The following TRAK1 variants were observed in gnomAD, a reference collection of about 807,000 sequenced individuals.
The protein encoded by TRAK1 is trafficking kinesin protein 1.
Under a neutral mutation model 92.1 loss-of-function variants are expected in TRAK1, and 33 were observed. That is an observed-to-expected ratio of 0.36 (90% CI 0.27 to 0.48). The LOEUF (loss-of-function observed/expected upper bound fraction) is 0.48, where lower values mean the gene tolerates loss of function less well. Ranked by LOEUF, TRAK1 falls within the 20% of genes least tolerant of loss-of-function variation. The pLI is 0.99. For synonymous variants in TRAK1, 521 were observed against 517.3 expected, an observed-to-expected ratio of 1.01 and a Z score of -0.10; for missense variants, 1,123 against 1,257.9, an observed-to-expected ratio of 0.89 and a Z score of 1.62.
At chr3:42,176,066 G>A (rs998515166) in intron 2 of TRAK1, among the ~76,000 whole-genome samples, 12 of 152,090 alleles carry the variant, frequency 7.9e-5, no homozygotes, top group African/African-American at 2.9e-4. Flanking sequence ...AGACAAAAGC[G>A]TTCTTTTGTT....
At chr3:42,157,457 C>CAAAAAAAA (rs60622565) in intron 2 of TRAK1, among the ~76,000 whole-genome samples, 2,342 of 31,082 alleles carry the variant, frequency 0.075, 745 homozygotes, top group East Asian at 0.23. Flanking sequence ...GACCCTGTCT[C>CAAAAAAAA]AAAAAAAAAA....
intron 1 of TRAK1, among the ~76,000 whole-genome samples, chr3:42,018,087 CAA>C (rs397989329): frequency 4.4e-5 from 5 of 114,268 alleles, no homozygotes; most frequent in African/African-American, 1.8e-4. Flanking sequence ...CTCATTGTTA[CAA>C]AAAAAAAAAA....
At chr3:42,086,272 G>C (rs1704668263), upstream of TRAK1, among the ~76,000 whole-genome samples, 1 of 151,644 alleles carries the variant, frequency 6.6e-6, no homozygotes. Context: ...TTTAAATGAG[G>C]GTGAGTCTGT....
chr3:42,192,984 T>C (rs1706036970), intron 7 of TRAK1, 91 bp from the exon 8 acceptor site: 4 of 1,542,370 alleles, frequency 2.6e-6, no homozygotes, highest in Non-Finnish European at 3.5e-6. Flanking sequence ...AGGATGGTTT[T>C]TCTTGTGCAA....
intron 11 of TRAK1, 69 bp from the exon 12 acceptor site, chr3:42,200,749 T>C: frequency 6.5e-7 from 1 of 1,539,922 alleles, no homozygotes; most frequent in African/African-American, 1.4e-5. Context: ...AGTTGATCAT[T>C]TTTGGAGGGT....
intron 1 of TRAK1, among the ~76,000 whole-genome samples, chr3:42,043,616 G>A (rs991338985): frequency 7.3e-5 from 8 of 109,736 alleles, no homozygotes; most frequent in Admixed American, 3.4e-4. Context: ...CCATGGAGCT[G>A]GGGGGGGGGC....
At chr3:42,214,745 C>G (rs1194696074) in intron 14 of TRAK1, among the ~76,000 whole-genome samples, 9 of 152,188 alleles carry the variant, frequency 5.9e-5, no homozygotes, top group Non-Finnish European at 2.9e-5. Context: ...ATAGAAACCT[C>G]CCAGGTTCCT....
chr3:42,143,649 G>A (rs1031194063), intron 2 of TRAK1, among the ~76,000 whole-genome samples: 14 of 152,266 alleles, frequency 9.2e-5, no homozygotes, highest in African/African-American at 2.6e-4. Context: ...TACCCGAGAC[G>A]GCTCCTGGGA....
At chr3:42,058,498 C>A (rs941371845) in intron 1 of TRAK1, among the ~76,000 whole-genome samples, 1 of 152,162 alleles carries the variant, frequency 6.6e-6, no homozygotes, top group African/African-American at 2.4e-5. Context: ...CGCCACAACG[C>A]CCAGCTTATT....
At position 42,045,202 on chromosome 3, in the gene TRAK1, A is replaced by G. The variant is rs150042091; in HGVS notation, c.-519+31085A>G. 3.2e-4 allele frequency among the ~76,000 whole-genome samples: 48 copies of G among 152,194 alleles called. No individual in the cohort carries two copies. In the East Asian group the frequency reaches 9.1e-3, roughly 29 times the overall value. On this transcript the variant is annotated intron_variant, in intron 1 of 16. Coordinates refer to the TRAK1 transcript ENST00000487159. ...CCTACTGTGGGAACTATTTGAGGGT[A>G]AAAATTTTGAAGGAGGAATCACATT...
At chr3:42,179,696 T>C (rs1703733115) in intron 3 of TRAK1, among the ~76,000 whole-genome samples, 2 of 152,188 alleles carry the variant, frequency 1.3e-5, no homozygotes, top group South Asian at 4.1e-4. Flanking sequence ...AGTTACAGTC[T>C]TTTTTAAGTC....
At chr3:42,063,632 G>A (rs1034921362) in intron 1 of TRAK1, among the ~76,000 whole-genome samples, 1 of 151,652 alleles carries the variant, frequency 6.6e-6, no homozygotes, top group African/African-American at 2.4e-5. Context: ...GTTGCAGTGA[G>A]CTGAGATTGT....
rs77249100 is a variant in TRAK1 at position 42,059,962 on chromosome 3, A to G, written c.-518-27142A>G. Reference sequence around the variant, plus strand: ...GCATGGAGGACAGTGTTACAGGTACATAGCAATTCTGAAAGTGCTTGTTTG... The same window carrying G: ...GCATGGAGGACAGTGTTACAGGTACGTAGCAATTCTGAAAGTGCTTGTTTG... On this transcript the variant is annotated intron_variant, in intron 1 of 16. Coordinates refer to the TRAK1 transcript ENST00000487159. Among the ~76,000 whole-genome samples the G allele has an allele frequency of 8.1e-3, 1,234 of 152,372 alleles. 53 individuals carry two copies. In the East Asian group the frequency reaches 0.14, roughly 17 times the overall value.
intron 1 of TRAK1, among the ~76,000 whole-genome samples, chr3:42,026,926 A>G (rs578223260): frequency 6.6e-5 from 10 of 152,230 alleles, no homozygotes; most frequent in Admixed American, 5.9e-4. Flanking sequence ...GGTATAATCA[A>G]TATCAAATTT....
intron 1 of TRAK1, among the ~76,000 whole-genome samples, chr3:42,043,626 C>T (rs972451460): frequency 7.1e-5 from 10 of 140,734 alleles, no homozygotes; most frequent in Admixed American, 3.5e-4. Context: ...GGGGGGGGGG[C>T]GGGGGGAGTA....
intron 11 of TRAK1, among the ~76,000 whole-genome samples, chr3:42,200,053 C>T (rs989182379): frequency 5.9e-5 from 9 of 152,202 alleles, no homozygotes; most frequent in Non-Finnish European, 5.9e-5. Flanking sequence ...TTGTACTTAA[C>T]CTGCCCCAAG....
At chr3:42,183,265 G>A (rs1704263584) in intron 3 of TRAK1, among the ~76,000 whole-genome samples, 1 of 152,110 alleles carries the variant, frequency 6.6e-6, no homozygotes, top group Admixed American at 6.5e-5. Context: ...CCTGAAAAAT[G>A]AATCTGTTGG....
chr3:42,212,373 C>A, intron 14 of TRAK1: 2 of 985,374 alleles, frequency 2.0e-6, no homozygotes, highest in Non-Finnish European at 2.4e-6. Flanking sequence ...AGGTGATGAA[C>A]CTTTTTATGT....
chr3:42,193,976 AC>A, intron 9 of TRAK1, 78 bp downstream of exon 9: 2 of 1,278,202 alleles, frequency 1.6e-6, no homozygotes, highest in South Asian at 1.3e-5. Flanking sequence ...AGCTTTAGTC[AC>A]GTCCATCGCA....
Sources: allele counts gnomAD v4.1 joint callset (sites outside exome capture counted in the v4.1 genomes callset), GRCh38; gene constraint gnomAD v4.1.1; transcripts MANE v1.5; gene names NCBI Gene and HGNC (gene_info 2026-07-23, HGNC 2026-07-21).